RGS7: variants seen among roughly 807,000 people sequenced by gnomAD.
The protein encoded by RGS7 is regulator of G-protein signaling 7.
RGS7 carries 27 observed loss-of-function variants against 81.1 expected under a neutral mutation model. The observed-to-expected ratio is 0.33, with a 90% confidence interval of 0.25 to 0.46. The LOEUF is 0.46. Ranked by LOEUF, RGS7 falls within the 20% of genes least tolerant of loss-of-function variation. The probability of loss-of-function intolerance (pLI) is 1.00; values close to 1 mark genes in which losing one functional copy is unlikely to be tolerated. For missense variants in RGS7, 396 were observed against 607.4 expected, an observed-to-expected ratio of 0.65 and a Z score of 3.66; for synonymous variants, 208 against 207.7, an observed-to-expected ratio of 1.00 and a Z score of -0.01.
rs908385127 is a variant in RGS7, at chr1:241,335,441, C to G, written c.78+20258G>C. Among the ~76,000 whole-genome samples, 121 of 152,184 alleles carry G rather than the reference C, an allele frequency of 8.0e-4. 2 individuals carry two copies. Among genetic ancestry groups the G allele is most frequent in the Non-Finnish European group, 4.9e-4 (33 of 68,038 alleles). On this transcript the variant is annotated intron_variant, in intron 2 of 18. Transcript: ENST00000440928. ...TTAATTCAACAAGTTCCACAGCAAA[C>G]TGCAAAACTGCCACTTTTCTCTGGG...
intron 3 of RGS7, among the ~76,000 whole-genome samples, chr1:241,073,900 C>T (rs1240202969): frequency 3.4e-5 from 5 of 148,922 alleles, no homozygotes; most frequent in Non-Finnish European, 5.9e-5. Context: ...TTTGTCTCTT[C>T]GTTCCTTTTT....
In RGS7 at chr1:241,188,878, T is replaced by A. The variant is rs537450211; in HGVS notation, c.79-90116A>T. 1.3e-4 allele frequency among the ~76,000 whole-genome samples: 20 copies of A among 152,346 alleles called. No homozygotes were observed. The South Asian group carries it at 3.9e-3, about 30-fold the overall frequency. On this transcript the variant is annotated intron_variant, in intron 2 of 18. Coordinates refer to ENST00000440928, the MANE Select transcript of RGS7 (RefSeq NM_001364886.1). ...ATGAGGAAATACACACCAAAATACT[T>A]TGAAGGCTTCGAAATTCAGCAGAAC...
chr1:241,283,938 AT>A (rs886099932), intron 2 of RGS7, among the ~76,000 whole-genome samples: 2 of 151,926 alleles, frequency 1.3e-5, no homozygotes, highest in African/African-American at 4.8e-5. Flanking sequence ...TGGTTATTGT[AT>A]TTTTTAGTCC....
intron 2 of RGS7, among the ~76,000 whole-genome samples, chr1:241,157,881 C>T (rs1410144298): frequency 2.1e-5 from 2 of 93,120 alleles, no homozygotes; most frequent in Admixed American, 1.1e-4. Context: ...TGCAGTGGTG[C>T]GATCTGGGCT....
intron 3 of RGS7, among the ~76,000 whole-genome samples, chr1:241,076,421 T>G (rs1374402827): frequency 6.6e-6 from 1 of 152,228 alleles, no homozygotes; most frequent in African/African-American, 2.4e-5. Context: ...ATTTGGAATT[T>G]TAGTATGGCT....
At chr1:241,053,724 T>A (rs1021869039) in intron 3 of RGS7, among the ~76,000 whole-genome samples, 4 of 152,222 alleles carry the variant, frequency 2.6e-5, no homozygotes, top group African/African-American at 9.6e-5. Flanking sequence ...AATTCCCACA[T>A]GTTGTGGGAG....
chr1:241,040,845 T>G (rs1486931658), intron 3 of RGS7, among the ~76,000 whole-genome samples: 9 of 152,168 alleles, frequency 5.9e-5, no homozygotes, highest in Admixed American at 5.9e-4. Context: ...TTCTCAGAAG[T>G]GTTCTTGCCC....
intron 2 of RGS7, among the ~76,000 whole-genome samples, chr1:241,346,287 T>C (rs1462755868): frequency 1.3e-5 from 1 of 76,756 alleles, no homozygotes; most frequent in Non-Finnish European, 2.7e-5. Context: ...GTGCTTGGCA[T>C]CTGTGTTTGC....
At chr1:241,339,244 T>C (rs2082403052) in intron 2 of RGS7, among the ~76,000 whole-genome samples, 1 of 152,232 alleles carries the variant, frequency 6.6e-6, no homozygotes, top group Admixed American at 6.5e-5. Flanking sequence ...CTGCGTAGTA[T>C]TCCATGGTGT....
chr1:241,290,141 T>C (rs1002580351), intron 2 of RGS7, among the ~76,000 whole-genome samples: 6 of 152,218 alleles, frequency 3.9e-5, no homozygotes, highest in Non-Finnish European at 5.9e-5. Flanking sequence ...GGTTTATATG[T>C]ACAGGTGTTT....
chr1:240,816,655 A>G (rs1690851347), intron 10 of RGS7, among the ~76,000 whole-genome samples: 1 of 152,234 alleles, frequency 6.6e-6, no homozygotes, highest in Non-Finnish European at 1.5e-5. Context: ...GGTTATATGT[A>G]GAGAGCAAGG....
At chr1:241,270,979 A>C (rs4660056) in intron 2 of RGS7, among the ~76,000 whole-genome samples, 1 of 151,926 alleles carries the variant, frequency 6.6e-6, no homozygotes, top group South Asian at 2.1e-4. Context: ...GGATGGTCTC[A>C]ATCTCCTGAC....
At position 241,024,505 on chromosome 1, in the gene RGS7, C is replaced by T. The variant is rs547452698; in HGVS notation, c.176-41376G>A. ...ACAAACATCTTTGAAGGATGATGAG[C>T]TAGTATACCAGTGACATTCTGGAAT... On this transcript the variant is annotated intron_variant, in intron 3 of 18. Transcript: ENST00000440928. Among the ~76,000 whole-genome samples, 5 of 152,196 alleles carry T rather than the reference C, an allele frequency of 3.3e-5. No individual in the cohort carries two copies. The East Asian group carries it at 9.6e-4, about 29-fold the overall frequency.
intron 18 of RGS7, among the ~76,000 whole-genome samples, chr1:240,793,611 A>ATATATATATATATATATATAT: frequency 4.6e-4 from 36 of 78,800 alleles, no homozygotes; most frequent in African/African-American, 5.8e-4. Flanking sequence ...ATATATATAT[A>ATATATATATATATATATATAT]TTTTTTTTTT....
chr1:240,806,842 T>C (rs1302871045), intron 14 of RGS7, among the ~76,000 whole-genome samples: 2 of 152,144 alleles, frequency 1.3e-5, no homozygotes, highest in Non-Finnish European at 2.9e-5. Context: ...GAGCCTTTTC[T>C]GTTCTAGGTG....
At chr1:241,241,059 A>T (rs1398776566) in intron 2 of RGS7, among the ~76,000 whole-genome samples, 14 of 152,100 alleles carry the variant, frequency 9.2e-5, no homozygotes, top group Non-Finnish European at 4.4e-5. Context: ...AACCCTCCTC[A>T]TCGGCTAGAA....
intron 6 of RGS7, among the ~76,000 whole-genome samples, chr1:240,873,411 G>C (rs977258594): frequency 1.3e-5 from 2 of 152,154 alleles, no homozygotes; most frequent in Non-Finnish European, 2.9e-5. Flanking sequence ...GAAGACTTGG[G>C]AGGTCAAACA....
In RGS7 at chr1:241,327,133, A is replaced by AG. The variant is rs1491443240; in HGVS notation, c.78+28565dup. 1.2e-3 allele frequency among the ~76,000 whole-genome samples: 137 copies of AG among 110,108 alleles called. 2 individuals are homozygous for AG. Among genetic ancestry groups the AG allele is most frequent in the Non-Finnish European group, 2.1e-3 (100 of 48,388 alleles). The allele number at this position is 110,108 out of a possible 152,430, so 72.2% of individuals were successfully genotyped here. A position where few individuals can be genotyped will look rare whatever the true frequency, so the allele number is the denominator to read the frequency against. On this transcript the variant is annotated intron_variant, in intron 2 of 18. Transcript: ENST00000440928. Reference sequence around the variant, plus strand: ...AAGAAAGAAAGAAAGAAAGAAAGAAAGAAAGAAAGAAAGGAAAGAAAGAAA... The same window carrying AG: ...AAGAAAGAAAGAAAGAAAGAAAGAAAGGAAAGAAAGAAAGGAAAGAAAGAAA...
At position 240,930,599 on chromosome 1, in the gene RGS7, G is replaced by A. The variant is rs1027448138; in HGVS notation, c.385+118C>T. Reference sequence around the variant, plus strand: ...TTATCAATTCAATGTTAAAAATATTGGTCCCATCCTGAGAACTGTGGTTTC... The same window carrying A: ...TTATCAATTCAATGTTAAAAATATTAGTCCCATCCTGAGAACTGTGGTTTC... On this transcript the variant is annotated intron_variant, in intron 6 of 18. Coordinates refer to ENST00000440928, the MANE Select transcript of RGS7 (RefSeq NM_001364886.1). 1.5e-5 allele frequency: 14 copies of A among 935,152 alleles called. No individual in the cohort carries two copies. The Admixed American group carries it at 1.8e-4, about 12-fold the overall frequency. 57.9% of individuals were successfully genotyped at this position (935,152 alleles called of 1,614,324 possible). A position where few individuals can be genotyped will look rare whatever the true frequency, so the allele number is the denominator to read the frequency against.
Sources: gnomAD v4.1 joint callset for allele counts (sites outside exome capture counted in the v4.1 genomes callset) on GRCh38, gnomAD v4.1.1 for gene constraint, MANE v1.5 for transcripts, NCBI Gene and HGNC (gene_info 2026-07-23, HGNC 2026-07-21) for gene names.